The following PTK2 variants were observed in gnomAD, a reference collection of about 807,000 sequenced individuals.
The protein encoded by PTK2 is focal adhesion kinase 1.
Under a neutral mutation model 150.1 loss-of-function variants are expected in PTK2, and 45 were observed. The observed-to-expected ratio is 0.30, with a 90% CI of 0.24 to 0.38. PTK2 has a LOEUF of 0.38. Ranked by LOEUF, PTK2 falls within the 10% of genes least tolerant of loss-of-function variation. The pLI is 1.00. For missense variants in PTK2, 919 were observed against 1,307.3 expected (o/e 0.70, Z 4.58); for synonymous variants, 432 against 449.2 (o/e 0.96, Z 0.48).
intron 14 of PTK2, 62 bp from the exon 15 acceptor site, chr8:140,770,861 C>CG: frequency 1.2e-6 from 1 of 824,810 alleles, no homozygotes; most frequent in Non-Finnish European, 1.6e-6. Flanking sequence ...ATACAAAAGA[C>CG]AACTTTTGTT....
chr8:140,841,132 T>C (rs1033466251), intron 7 of PTK2, among the ~76,000 whole-genome samples: 2 of 152,290 alleles, frequency 1.3e-5, no homozygotes, highest in Non-Finnish European at 2.9e-5. Flanking sequence ...CAGATGGGTA[T>C]GTTAACAAGC....
At chr8:140,930,198 C>T (rs928483528) in intron 1 of PTK2, among the ~76,000 whole-genome samples, 4 of 152,014 alleles carry the variant, frequency 2.6e-5, no homozygotes, top group African/African-American at 2.4e-5. Flanking sequence ...AAATAAACCT[C>T]GGAACACCAA....
chr8:140,739,134 T>C, intron 20 of PTK2, 27 bp from the exon 24 acceptor site: 2 of 1,458,148 alleles, frequency 1.4e-6, no homozygotes, highest in Non-Finnish European at 1.9e-6. Context: ...AGAAAATAAA[T>C]TTTCCTTGTT....
At chr8:140,686,610 C>T in intron 27 of PTK2, 22 bp downstream of exon 30, 1 of 1,601,668 alleles carries the variant, frequency 6.2e-7, no homozygotes, top group South Asian at 1.1e-5. Flanking sequence ...GAAATCAAAT[C>T]CTGCTGAAAA....
intron 19 of PTK2, among the ~76,000 whole-genome samples, chr8:140,743,930 A>G (rs1731684061): frequency 6.6e-6 from 1 of 151,792 alleles, no homozygotes; most frequent in South Asian, 2.1e-4. Context: ...GGCGCCCGCC[A>G]CCATGCCCAG....
chr8:140,733,920 C>T (rs759799257), intron 22 of PTK2, among the ~76,000 whole-genome samples: 29 of 152,146 alleles, frequency 1.9e-4, no homozygotes, highest in Admixed American at 6.5e-4. Flanking sequence ...GTCTCCTCCA[C>T]CAGACTTTAA....
intron 26 of PTK2, among the ~76,000 whole-genome samples, chr8:140,695,809 G>T (rs1221439360): frequency 6.6e-6 from 1 of 152,126 alleles, no homozygotes; most frequent in Non-Finnish European, 1.5e-5. Flanking sequence ...ATCAACTGGG[G>T]TGCTTGTTAT....
In PTK2 at chr8:140,960,945, A is replaced by G. The variant is rs1473414500; in HGVS notation, c.-121-35196T>C. Among the ~76,000 whole-genome samples, 3 of 152,168 alleles carry G rather than the reference A, an allele frequency of 2.0e-5. No individual in the cohort carries two copies. In the East Asian group the frequency reaches 5.8e-4, roughly 29 times the overall value. ...CAGTGAGCCAAGATCACACCACTGC[A>G]ATCCAGCCTAGGCAACAAGAGCGAA... On this transcript the variant is annotated intron_variant, in intron 1 of 31. Transcript: ENST00000522684.
chr8:140,846,787 G>A (rs1401644988), intron 5 of PTK2, 109 bp from the exon 6 acceptor site: 2 of 687,988 alleles, frequency 2.9e-6, no homozygotes, highest in Non-Finnish European at 4.7e-6. Flanking sequence ...ACATTATGTC[G>A]GTAATTACGC....
chr8:140,804,946 C>T (rs578076368), intron 10 of PTK2, among the ~76,000 whole-genome samples: 6 of 152,294 alleles, frequency 3.9e-5, no homozygotes, highest in African/African-American at 1.4e-4. Flanking sequence ...GGGTTTCTTC[C>T]ACCTCACTGG....
chr8:140,785,245 C>T (rs1023389025), intron 14 of PTK2, among the ~76,000 whole-genome samples: 6 of 152,164 alleles, frequency 3.9e-5, no homozygotes, highest in Admixed American at 6.5e-5. Flanking sequence ...TTCCCGCTAC[C>T]CAGAATGCAT....
At chr8:140,922,798 A>T (rs2100168024) in intron 2 of PTK2, among the ~76,000 whole-genome samples, 3 of 152,218 alleles carry the variant, frequency 2.0e-5, no homozygotes, top group African/African-American at 7.2e-5. Context: ...GAAGAGGTAC[A>T]GGAGTTACCA....
chr8:140,715,176 T>G lies in PTK2; in HGVS notation c.2142+2422A>C, dbSNP rs1200250392. Among the ~76,000 whole-genome samples, 45 of 130,620 alleles carry G rather than the reference T, an allele frequency of 3.4e-4. 1 individual carries two copies. The highest frequency in any genetic ancestry group is 2.8e-3 in the South Asian group (10 of 3,550). The allele number at this position is 130,620 out of a possible 152,430, so 85.7% of individuals were successfully genotyped here. Reference sequence around the variant, plus strand: ...AACCGTTTTTTTTTTTTTTTTTTTTTTTTTTTTTTTTTTTTTGAGAGAGTC... The same window carrying G: ...AACCGTTTTTTTTTTTTTTTTTTTTGTTTTTTTTTTTTTTTTGAGAGAGTC... On this transcript the variant is annotated intron_variant, in intron 23 of 31. Coordinates refer to ENST00000522684, the Ensembl canonical transcript of PTK2.
intron 2 of PTK2, among the ~76,000 whole-genome samples, chr8:140,902,957 T>TGCC (rs2100159332): frequency 7.7e-6 from 1 of 130,716 alleles, no homozygotes; most frequent in African/African-American, 2.8e-5. Context: ...TTTTTTTTTT[T>TGCC]TTGCCATGCA....
At chr8:140,914,311 A>G in intron 2 of PTK2, among the ~76,000 whole-genome samples, 1 of 152,238 alleles carries the variant, frequency 6.6e-6, no homozygotes, top group Non-Finnish European at 1.5e-5. Flanking sequence ...CATTGAATTT[A>G]CAATAAATTC....
chr8:140,853,192 T>A (rs555013284), intron 5 of PTK2, among the ~76,000 whole-genome samples: 1 of 116,990 alleles, frequency 8.5e-6, no homozygotes, highest in African/African-American at 2.6e-5. Context: ...GATGTCACAC[T>A]CTTTTTTTTT....
At chr8:140,702,307 C>A (rs1266030622) in intron 25 of PTK2, among the ~76,000 whole-genome samples, 1 of 149,454 alleles carries the variant, frequency 6.7e-6, no homozygotes, top group Non-Finnish European at 1.5e-5. Context: ...GCAGTCTCGA[C>A]TTCCTAGGCT....
intron 17 of PTK2, among the ~76,000 whole-genome samples, chr8:140,748,770 TAAG>T (rs1306193483): frequency 2.0e-5 from 3 of 152,164 alleles, no homozygotes; most frequent in African/African-American, 7.2e-5. Context: ...GTATCAGGGC[TAAG>T]AAGGTTACTT....
chr8:140,658,731 T>TA (rs1456958790), exon 32 of PTK2: 1 of 219,166 alleles, frequency 4.6e-6, no homozygotes, highest in Admixed American at 5.8e-5. Context: ...GGTGCTCTGG[T>TA]ACAAAGCATT....
Sources: allele counts gnomAD v4.1 joint callset (sites outside exome capture counted in the v4.1 genomes callset), GRCh38; gene constraint gnomAD v4.1.1; transcripts MANE v1.5; gene names NCBI Gene and HGNC (gene_info 2026-07-23, HGNC 2026-07-21).